Variants in KCND2 observed in about 807,000 individuals in gnomAD.
KCND2 encodes the protein potassium voltage-gated channel subfamily D member 2.
A neutral mutation model predicts 54.4 loss-of-function variants in KCND2; 16 were observed. That is an observed-to-expected ratio of 0.29 (90% CI 0.20 to 0.45). The LOEUF is 0.45. Ranked by LOEUF, KCND2 falls within the 20% of genes least tolerant of loss-of-function variation. The probability of loss-of-function intolerance (pLI) is 1.00; values close to 1 mark genes in which losing one functional copy is unlikely to be tolerated. For missense variants in KCND2, 486 were observed against 824.2 expected (o/e 0.59, Z 5.02); for synonymous variants, 317 against 310.7 (o/e 1.02, Z -0.21).
chr7:120,735,315 C>A (rs997268190), intron 2 of KCND2, among the ~76,000 whole-genome samples: 6 of 152,036 alleles, frequency 3.9e-5, no homozygotes, highest in Non-Finnish European at 8.8e-5. Flanking sequence ...AAACATCACA[C>A]TCATGACGCT....
chr7:120,329,481 C>G (rs1406599010), intron 1 of KCND2, among the ~76,000 whole-genome samples: 1 of 151,976 alleles, frequency 6.6e-6, no homozygotes, highest in Non-Finnish European at 1.5e-5. Context: ...TTAAATCTCC[C>G]AAATGTTTAT....
intron 1 of KCND2, among the ~76,000 whole-genome samples, chr7:120,474,371 C>G (rs1303647296): frequency 6.6e-6 from 1 of 152,022 alleles, no homozygotes; most frequent in African/African-American, 2.4e-5. Flanking sequence ...GAGTTTTGCT[C>G]TTGTGGCCCA....
chr7:120,598,123 A>G (rs1792768943), intron 1 of KCND2, among the ~76,000 whole-genome samples: 1 of 152,210 alleles, frequency 6.6e-6, no homozygotes, highest in Middle Eastern at 3.4e-3. Flanking sequence ...AAAATTAAGA[A>G]CTAAGAACAA....
Position 120,665,810 on chromosome 7 carries a change from C to T in KCND2, c.1116-67093C>T, listed in dbSNP as rs565419239. Among the ~76,000 whole-genome samples the T allele has an allele frequency of 2.0e-5, 3 of 152,090 alleles. No homozygotes were observed. The South Asian group carries it at 6.2e-4, about 32-fold the overall frequency. The stretch of plus-strand genomic sequence containing the variant: ...TGTGGCTGTATCTGTTTATTACAAG[C>T]ACAATTATTCAAGTAACAAATAGGG... On this transcript the variant is annotated intron_variant, in intron 1 of 5. Coordinates refer to ENST00000331113, the MANE Select transcript of KCND2 (RefSeq NM_012281.3).
chr7:120,525,189 T>C (rs1263262942), intron 1 of KCND2, among the ~76,000 whole-genome samples: 1 of 152,194 alleles, frequency 6.6e-6, no homozygotes, highest in Non-Finnish European at 1.5e-5. Flanking sequence ...TGTTTGCTAT[T>C]GTGTTCAAAT....
chr7:120,531,527 ATTC>A (rs1791843167), intron 1 of KCND2, among the ~76,000 whole-genome samples: 1 of 151,996 alleles, frequency 6.6e-6, no homozygotes, highest in Non-Finnish European at 1.5e-5. Context: ...CTCCTCAAAT[ATTC>A]TTCTCCAGCT....
chr7:120,496,234 C>G (rs1802845082), intron 1 of KCND2, among the ~76,000 whole-genome samples: 1 of 151,946 alleles, frequency 6.6e-6, no homozygotes, highest in Non-Finnish European at 1.5e-5. Flanking sequence ...AATTGGATCT[C>G]TAAGCCTCAG....
chr7:120,606,921 A>T (rs754569069), intron 1 of KCND2, among the ~76,000 whole-genome samples: 6 of 152,142 alleles, frequency 3.9e-5, no homozygotes, highest in African/African-American at 1.2e-4. Flanking sequence ...CAGCTTGTCC[A>T]TTTCTGCAGC....
chr7:120,507,918 G>A (rs1803052766), intron 1 of KCND2, among the ~76,000 whole-genome samples: 1 of 151,666 alleles, frequency 6.6e-6, no homozygotes, highest in Non-Finnish European at 1.5e-5. Context: ...CACTGGGAGG[G>A]TAAATGCCAG....
At chr7:120,552,580 G>A (rs1160344575) in intron 1 of KCND2, among the ~76,000 whole-genome samples, 1 of 152,234 alleles carries the variant, frequency 6.6e-6, no homozygotes, top group East Asian at 1.9e-4. Flanking sequence ...GAACAAAGGA[G>A]TGTGAGCTAA....
At chr7:120,541,399 A>T (rs1447690809) in intron 1 of KCND2, among the ~76,000 whole-genome samples, 1 of 151,424 alleles carries the variant, frequency 6.6e-6, no homozygotes, top group Admixed American at 6.6e-5. Flanking sequence ...AGGAGATGAA[A>T]TTTTTTTTTC....
intron 5 of KCND2, 63 bp downstream of exon 5, chr7:120,746,090 A>C: frequency 3.2e-6 from 5 of 1,575,078 alleles, no homozygotes; most frequent in Non-Finnish European, 4.3e-6. Context: ...TGTCTTCTGC[A>C]CTCATGTTGT....
At chr7:120,481,489 A>T (rs1421553699) in intron 1 of KCND2, among the ~76,000 whole-genome samples, 3 of 152,210 alleles carry the variant, frequency 2.0e-5, no homozygotes, top group African/African-American at 4.8e-5. Context: ...AGTACCAGGG[A>T]TAGAAGGGAT....
At chr7:120,631,674 C>T (rs1004039159) in intron 1 of KCND2, among the ~76,000 whole-genome samples, 1 of 152,058 alleles carries the variant, frequency 6.6e-6, no homozygotes, top group African/African-American at 2.4e-5. Context: ...CATATTTCAT[C>T]GCATAGATTG....
rs10571787 is a variant in KCND2 at position 120,739,798 on chromosome 7, A to AACACACACACACACACAC, written c.1279-1719_1279-1702dup. Among the ~76,000 whole-genome samples, 7 of 144,062 alleles carry AACACACACACACACACAC rather than the reference A, an allele frequency of 4.9e-5. No homozygotes were observed. In the East Asian group the frequency reaches 1.2e-3, roughly 25 times the overall value. 94.5% of individuals were successfully genotyped at this position (144,062 alleles called of 152,430 possible). A position where few individuals can be genotyped will look rare whatever the true frequency, so the allele number is the denominator to read the frequency against. On this transcript the variant is annotated intron_variant, in intron 2 of 5. Coordinates refer to ENST00000331113, the MANE Select transcript of KCND2 (RefSeq NM_012281.3). ...AAATTTGGTAAGACTTAACAAAAGA[A>AACACACACACACACACAC]ACACACACACACACACACACACACA...
intron 1 of KCND2, among the ~76,000 whole-genome samples, chr7:120,599,609 G>T (rs1792789338): frequency 6.6e-6 from 1 of 151,946 alleles, no homozygotes; most frequent in African/African-American, 2.4e-5. Context: ...TTTTTTAAAA[G>T]AAATTCCAAG....
rs141637732 is a variant in KCND2, at chr7:120,274,680, T to C, written c.48T>C (p.Ala16=). ...GGCTGCCTTTTGCAAGGGCAGCGGC[T>C]ATCGGGTGGATGCCTGTGGCCTCGG... The part of the protein sequence containing the change: ...AAWLPFARAA[A]IGWMPVASGP... Residue 16 remains alanine, a synonymous_variant, in exon 1 of 6, where the codon GCT becomes GCC. Coordinates refer to ENST00000331113, the MANE Select transcript of KCND2 (RefSeq NM_012281.3). 8.1e-6 allele frequency: 13 copies of C among 1,613,934 alleles called. No homozygotes were observed. The African/African-American group carries it at 1.5e-4, about 18-fold the overall frequency.
chr7:120,575,306 T>A (rs1284162447), intron 1 of KCND2, among the ~76,000 whole-genome samples: 1 of 152,148 alleles, frequency 6.6e-6, no homozygotes, highest in African/African-American at 2.4e-5. Flanking sequence ...GGCAAACCAC[T>A]GGTGTAAGTC....
intron 1 of KCND2, among the ~76,000 whole-genome samples, chr7:120,696,673 G>A (rs1792336699): frequency 6.6e-6 from 1 of 152,186 alleles, no homozygotes; most frequent in Non-Finnish European, 1.5e-5. Flanking sequence ...ATTAGTTACT[G>A]TCAGAGGTTC....
Sources: gnomAD v4.1 joint callset for allele counts (sites outside exome capture counted in the v4.1 genomes callset) on GRCh38, gnomAD v4.1.1 for gene constraint, MANE v1.5 for transcripts, NCBI Gene and HGNC (gene_info 2026-07-23, HGNC 2026-07-21) for gene names.